Variants in SFMBT2 observed in about 807,000 individuals in gnomAD.
SFMBT2 encodes the protein scm-like with four MBT domains protein 2.
In SFMBT2, 38 loss-of-function variants were observed where a neutral mutation model predicts 110.1. The ratio of observed to expected loss-of-function variants is 0.35; its 90% CI spans 0.27 to 0.45. The LOEUF (loss-of-function observed/expected upper bound fraction) is 0.45. SFMBT2 is among the 20% of genes least tolerant of loss of function. The pLI, the probability that SFMBT2 is intolerant of heterozygous loss-of-function variation, is 1.00. For synonymous variants in SFMBT2, 425 were observed against 425.4 expected (o/e 1.00, Z 0.01); for missense variants, 1,011 against 1,094.9 (o/e 0.92, Z 1.08).
chr10:7,234,194 C>A (rs1840190134), intron 9 of SFMBT2, among the ~76,000 whole-genome samples: 1 of 151,312 alleles, frequency 6.6e-6, no homozygotes, highest in African/African-American at 2.4e-5. Context: ...TTTTTACGTT[C>A]ATGGAACAGT....
chr10:7,385,873 A>T (rs1034023748), intron 1 of SFMBT2, among the ~76,000 whole-genome samples: 1 of 152,086 alleles, frequency 6.6e-6, no homozygotes, highest in African/African-American at 2.4e-5. Context: ...GGTGGTGGGC[A>T]CCTGTAGTCC....
At position 7,349,448 on chromosome 10, in the gene SFMBT2, T is replaced by C. The variant is rs1472032805; in HGVS notation, c.436+18201A>G. Among the ~76,000 whole-genome samples the C allele has an allele frequency of 3.2e-3, 393 of 121,706 alleles. 3 individuals carry two copies. The highest frequency in any genetic ancestry group is 0.015 in the South Asian group (48 of 3,154). 79.8% of individuals were successfully genotyped at this position (121,706 alleles called of 152,430 possible). A position where few individuals can be genotyped will look rare whatever the true frequency, so the allele number is the denominator to read the frequency against. Reference sequence around the variant, plus strand: ...CTTTTTTCTTTTCTTTTCTTTTTTTTTTTTTTTTTTTTTTTTTTGCGGGGG... The same window carrying C: ...CTTTTTTCTTTTCTTTTCTTTTTTTCTTTTTTTTTTTTTTTTTTGCGGGGG... On this transcript the variant is annotated intron_variant, in intron 4 of 20. Coordinates refer to ENST00000397167, the MANE Select transcript of SFMBT2 (RefSeq NM_001387889.1).
chr10:7,343,400 A>G (rs905175418), intron 4 of SFMBT2, among the ~76,000 whole-genome samples: 4 of 152,086 alleles, frequency 2.6e-5, no homozygotes, highest in Admixed American at 2.0e-4. Flanking sequence ...TCCTTTGGGT[A>G]TTGCCCATAA....
intron 11 of SFMBT2, among the ~76,000 whole-genome samples, chr10:7,213,845 C>G (rs946151974): frequency 6.6e-6 from 1 of 152,142 alleles, no homozygotes; most frequent in Non-Finnish European, 1.5e-5. Flanking sequence ...CACTCAGATC[C>G]GTGTGCACAG....
chr10:7,338,483 G>T (rs949630668), intron 4 of SFMBT2, among the ~76,000 whole-genome samples: 1 of 152,158 alleles, frequency 6.6e-6, no homozygotes. Flanking sequence ...TTATCGTCAA[G>T]TATGCTAGAG....
At chr10:7,387,723 G>A (rs759013140) in intron 1 of SFMBT2, among the ~76,000 whole-genome samples, 59 of 151,208 alleles carry the variant, frequency 3.9e-4, no homozygotes, top group Non-Finnish European at 7.8e-4. Context: ...TTGAGGCCAG[G>A]AGTTTGAGAC....
chr10:7,399,607 T>C (rs1414166439), intron 1 of SFMBT2, among the ~76,000 whole-genome samples: 3 of 152,226 alleles, frequency 2.0e-5, no homozygotes, highest in African/African-American at 7.2e-5. Flanking sequence ...AAAATCATTA[T>C]ATAAAGTAAA....
At position 7,367,549 on chromosome 10, in the gene SFMBT2, A is replaced by G; in HGVS notation, c.436+100T>C. 1.3e-6 allele frequency: 2 copies of G among 1,512,614 alleles called. No homozygotes were observed. The highest frequency in any genetic ancestry group is 1.8e-6 in the Non-Finnish European group (2 of 1,134,752). The allele number at this position is 1,512,614 out of a possible 1,614,324, so 93.7% of individuals were successfully genotyped here. A position where few individuals can be genotyped will look rare whatever the true frequency, so the allele number is the denominator to read the frequency against. ...ACTGTGAGACCTTTGCACTAAGACC[A>G]TTAGGGATTCTACGCAAGGTTCTCT... On this transcript the variant is annotated intron_variant, in intron 4 of 20. Coordinates refer to ENST00000397167, the MANE Select transcript of SFMBT2 (RefSeq NM_001387889.1). The surrounding 1 kb of genome is among the most constrained non-coding windows in gnomAD (Gnocchi z 6.2).
At chr10:7,188,899 AC>A (rs1838508769) in intron 15 of SFMBT2, among the ~76,000 whole-genome samples, 166 bp from the exon 16 acceptor site, 1 of 152,244 alleles carries the variant, frequency 6.6e-6, no homozygotes, top group Non-Finnish European at 1.5e-5. Flanking sequence ...CCAGGCTAAC[AC>A]TGAGTTGTTT....
intron 4 of SFMBT2, among the ~76,000 whole-genome samples, chr10:7,330,911 C>T (rs1409926482): frequency 6.6e-6 from 1 of 152,230 alleles, no homozygotes; most frequent in African/African-American, 2.4e-5. Context: ...GTAGCGTCCT[C>T]CCTGGAAGGG....
At chr10:7,306,037 T>G (rs1225280974) in intron 4 of SFMBT2, among the ~76,000 whole-genome samples, 1 of 152,282 alleles carries the variant, frequency 6.6e-6, no homozygotes, top group African/African-American at 2.4e-5. Flanking sequence ...CAACTTAAAA[T>G]GGACTCGTTT....
At chr10:7,332,290 A>T (rs910249051) in intron 4 of SFMBT2, among the ~76,000 whole-genome samples, 1 of 152,220 alleles carries the variant, frequency 6.6e-6, no homozygotes, top group Admixed American at 6.5e-5. Flanking sequence ...AGAGCATCTA[A>T]ATCTACATCC....
chr10:7,293,493 G>GC lies in SFMBT2; in HGVS notation c.437-7540dup, dbSNP rs1358469506. On this transcript the variant is annotated intron_variant, in intron 4 of 20. Coordinates refer to ENST00000397167, the MANE Select transcript of SFMBT2 (RefSeq NM_001387889.1). This position sits in a 1 kb window ranked among gnomAD's most constrained non-coding sequence, Gnocchi z 4.6. Reference sequence around the variant, plus strand: ...ACAGAAATGTCCCTGAGGCTTTCTGGCCCAAGCACTTGAAGAATGGAGTTG... The same window carrying GC: ...ACAGAAATGTCCCTGAGGCTTTCTGGCCCCAAGCACTTGAAGAATGGAGTTG... Among the ~76,000 whole-genome samples the GC allele has an allele frequency of 6.6e-6, 1 of 152,116 alleles. No homozygotes were observed. The highest frequency in any genetic ancestry group is 1.9e-4 in the East Asian group (1 of 5,196).
At chr10:7,168,080 A>AG (rs5782955) in intron 20 of SFMBT2, among the ~76,000 whole-genome samples, 1 of 151,626 alleles carries the variant, frequency 6.6e-6, no homozygotes, top group Non-Finnish European at 1.5e-5. Flanking sequence ...AAAAAAAAAA[A>AG]GAGCAACTTG....
chr10:7,233,965 G>T (rs1022289080), intron 9 of SFMBT2, among the ~76,000 whole-genome samples: 1 of 152,216 alleles, frequency 6.6e-6, no homozygotes, highest in Non-Finnish European at 1.5e-5. Flanking sequence ...TTTCACAAAG[G>T]AGTTTGTGTA....
intron 4 of SFMBT2, among the ~76,000 whole-genome samples, chr10:7,313,262 C>T (rs903844631): frequency 8.6e-5 from 13 of 151,690 alleles, no homozygotes; most frequent in Non-Finnish European, 1.2e-4. Context: ...TGTTCTACAA[C>T]GCAATTGCAC....
chr10:7,389,277 C>A (rs532410483), intron 1 of SFMBT2, among the ~76,000 whole-genome samples: 162 of 152,128 alleles, frequency 1.1e-3, no homozygotes, highest in African/African-American at 3.7e-3. Context: ...GACAACTGCT[C>A]CACCCATAAG....
intron 4 of SFMBT2, among the ~76,000 whole-genome samples, chr10:7,314,366 G>A (rs1842931301): frequency 6.6e-6 from 1 of 152,208 alleles, no homozygotes; most frequent in Non-Finnish European, 1.5e-5. Flanking sequence ...ACAGCAAGGA[G>A]CCTACCACTG....
Position 7,171,820 on chromosome 10 carries a change from C to T in SFMBT2, c.2415+75G>A, listed in dbSNP as rs1837878939. 5.3e-6 allele frequency: 7 copies of T among 1,318,348 alleles called. No individual in the cohort carries two copies. Among genetic ancestry groups the T allele is most frequent in the Admixed American group, 7.3e-5 (2 of 27,534 alleles). The allele number at this position is 1,318,348 out of a possible 1,614,324, so 81.7% of individuals were successfully genotyped here. ...GTATTTTAAACAGGTTTCCCCACATCGTGGCCCTGAAGTGTAACAGGTGTG... is the reference window on the plus strand; with the variant it reads ...GTATTTTAAACAGGTTTCCCCACATTGTGGCCCTGAAGTGTAACAGGTGTG... On this transcript the variant is annotated intron_variant, in intron 19 of 20. Transcript: ENST00000397167. The surrounding 1 kb of genome is among the most constrained non-coding windows in gnomAD (Gnocchi z 4.9).
Sources: allele counts gnomAD v4.1 joint callset (sites outside exome capture counted in the v4.1 genomes callset), GRCh38; gene constraint gnomAD v4.1.1; non-coding constraint Gnocchi (gnomAD v3.1); transcripts MANE v1.5; gene names NCBI Gene and HGNC (gene_info 2026-07-23, HGNC 2026-07-21).